The following SNAP25 variants were observed in gnomAD, a reference collection of about 807,000 sequenced individuals.
The protein encoded by SNAP25 is synaptosomal-associated protein 25.
SNAP25 carries 3 observed loss-of-function variants against 28.7 expected under a neutral mutation model. The ratio of observed to expected loss-of-function variants is 0.10; its 90% CI spans 0.05 to 0.27. The LOEUF (loss-of-function observed/expected upper bound fraction) is 0.27, where lower values mean the gene tolerates loss of function less well. Ranked by LOEUF, SNAP25 falls within the 10% of genes least tolerant of loss-of-function variation. The pLI is 1.00. For synonymous variants in SNAP25, 61 were observed against 88.1 expected, an observed-to-expected ratio of 0.69 and a Z score of 1.72; for missense variants, 117 against 278.7, an observed-to-expected ratio of 0.42 and a Z score of 4.13.
intron 1 of SNAP25, among the ~76,000 whole-genome samples, chr20:10,233,721 T>G (rs1415791881): frequency 6.6e-6 from 1 of 152,206 alleles, no homozygotes; most frequent in Non-Finnish European, 1.5e-5. Flanking sequence ...GACCAGCAAA[T>G]TTAGTTTCAA....
At chr20:10,277,613 T>G in intron 2 of SNAP25, 72 bp from the exon 3 acceptor site, 1 of 1,295,336 alleles carries the variant, frequency 7.7e-7, no homozygotes. Flanking sequence ...GTAAATAAAG[T>G]ATTTCTGATT....
At chr20:10,301,920 A>AT (rs1568631389) in intron 7 of SNAP25, among the ~76,000 whole-genome samples, 62 of 147,174 alleles carry the variant, frequency 4.2e-4, no homozygotes, top group African/African-American at 1.4e-3. Context: ...TATATATATA[A>AT]AAACCATATA....
intron 1 of SNAP25, among the ~76,000 whole-genome samples, chr20:10,221,113 A>T (rs2122587647): frequency 6.6e-6 from 1 of 152,346 alleles, no homozygotes; most frequent in South Asian, 2.1e-4. Context: ...AGGAATCTTT[A>T]AAAATGCTTT....
intron 1 of SNAP25, among the ~76,000 whole-genome samples, chr20:10,247,316 C>T (rs750619592): frequency 2.6e-5 from 4 of 152,012 alleles, no homozygotes; most frequent in South Asian, 2.1e-4. Flanking sequence ...CATTTAGGGC[C>T]GGCCCTGTAG....
chr20:10,259,034 G>T (rs2063367024), intron 1 of SNAP25, among the ~76,000 whole-genome samples: 1 of 152,168 alleles, frequency 6.6e-6, no homozygotes, highest in African/African-American at 2.4e-5. Context: ...TAGTAGGCTT[G>T]TTCAGAGTGG....
intron 1 of SNAP25, among the ~76,000 whole-genome samples, chr20:10,223,440 T>C (rs557778123): frequency 1.2e-3 from 187 of 152,316 alleles, no homozygotes; most frequent in Admixed American, 2.2e-3. Flanking sequence ...GAGACTATCC[T>C]CATCTATTCT....
intron 7 of SNAP25, among the ~76,000 whole-genome samples, chr20:10,300,851 T>C (rs891109876): frequency 5.3e-5 from 8 of 152,192 alleles, no homozygotes; most frequent in African/African-American, 1.7e-4. Flanking sequence ...GCTGTGTAAA[T>C]CAATAGATAT....
At chr20:10,225,397 C>T (rs2122625106) in intron 1 of SNAP25, among the ~76,000 whole-genome samples, 1 of 152,244 alleles carries the variant, frequency 6.6e-6, no homozygotes, top group East Asian at 1.9e-4. Flanking sequence ...AAGAACAAAT[C>T]TGTATCCCTA....
chr20:10,252,572 A>G (rs1011383786), intron 1 of SNAP25, among the ~76,000 whole-genome samples: 1 of 152,214 alleles, frequency 6.6e-6, no homozygotes, highest in African/African-American at 2.4e-5. Context: ...ATGGCAATAT[A>G]CATATGTTAA....
chr20:10,303,923 CAGTT>C (rs1277104466), intron 7 of SNAP25, among the ~76,000 whole-genome samples: 1 of 152,178 alleles, frequency 6.6e-6, no homozygotes, highest in Non-Finnish European at 1.5e-5. Context: ...AAAGAAAAGA[CAGTT>C]ATTAAACTCA....
At chr20:10,301,108 C>T (rs2064225084) in intron 7 of SNAP25, among the ~76,000 whole-genome samples, 1 of 152,178 alleles carries the variant, frequency 6.6e-6, no homozygotes, top group East Asian at 1.9e-4. Flanking sequence ...AAGGGTCAAA[C>T]TCTTATTGAC....
intron 1 of SNAP25, among the ~76,000 whole-genome samples, chr20:10,272,002 G>A (rs1421596386): frequency 6.6e-6 from 1 of 152,178 alleles, no homozygotes; most frequent in Non-Finnish European, 1.5e-5. Flanking sequence ...TCCTGTGAGA[G>A]GTGCTGCTTG....
intron 1 of SNAP25, among the ~76,000 whole-genome samples, chr20:10,272,492 T>C (rs932381261): frequency 1.3e-5 from 2 of 152,132 alleles, no homozygotes; most frequent in Non-Finnish European, 2.9e-5. Flanking sequence ...CCCGGTCACT[T>C]GGGAATACTA....
intron 5 of SNAP25, among the ~76,000 whole-genome samples, chr20:10,294,051 A>G (rs2064053206): frequency 6.6e-6 from 1 of 152,228 alleles, no homozygotes; most frequent in Non-Finnish European, 1.5e-5. Context: ...CAATGGAAGG[A>G]ACCTAAAACT....
At position 10,306,762 on chromosome 20, in the gene SNAP25, T is replaced by C. The variant is rs2064369112; in HGVS notation, c.*565T>C. ...CTAAATAGATTTTTAGATTCCTACT[T>C]AAACAAAAACTTTCCATGACAGTAG... On this transcript the variant is annotated 3_prime_UTR_variant, in exon 8 of 8. Coordinates refer to ENST00000254976, the MANE Select transcript of SNAP25 (RefSeq NM_130811.4). 6.5e-6 allele frequency: 1 copy of C among 154,168 alleles called. No individual in the cohort carries two copies. The highest frequency in any genetic ancestry group is 2.4e-5 in the African/African-American group (1 of 41,480). 9.6% of individuals were successfully genotyped at this position (154,168 alleles called of 1,614,324 possible). A position where few individuals can be genotyped will look rare whatever the true frequency, so the allele number is the denominator to read the frequency against.
chr20:10,262,396 G>T (rs2063429150), intron 1 of SNAP25, among the ~76,000 whole-genome samples: 1 of 152,130 alleles, frequency 6.6e-6, no homozygotes, highest in South Asian at 2.1e-4. Context: ...CCTTCCTCCT[G>T]TGACAAATGA....
chr20:10,219,561 G>A (rs529189877), intron 1 of SNAP25: 1 of 152,382 alleles, frequency 6.6e-6, no homozygotes, highest in Non-Finnish European at 1.5e-5. Context: ...GTGCCGGGTG[G>A]GAGGGCTCTG....
intron 1 of SNAP25, among the ~76,000 whole-genome samples, chr20:10,234,774 G>T (rs1424101356): frequency 6.6e-6 from 1 of 152,194 alleles, no homozygotes; most frequent in African/African-American, 2.4e-5. Flanking sequence ...GATCTGAGTT[G>T]AATTCAAGCA....
intron 1 of SNAP25, among the ~76,000 whole-genome samples, chr20:10,259,672 G>A (rs1182445378): frequency 3.9e-5 from 6 of 152,062 alleles, no homozygotes; most frequent in Non-Finnish European, 7.3e-5. Flanking sequence ...CCAAGTGTCT[G>A]GGACTGCAGG....
Sources: allele counts gnomAD v4.1 joint callset (sites outside exome capture counted in the v4.1 genomes callset), GRCh38; gene constraint gnomAD v4.1.1; transcripts MANE v1.5; gene names NCBI Gene and HGNC (gene_info 2026-07-23, HGNC 2026-07-21).